The following ULK4 variants were observed in gnomAD, a reference collection of about 807,000 sequenced individuals.
The protein encoded by ULK4 is unc-51 like kinase 4, also known as inactive serine/threonine-protein kinase ULK4.
Under a neutral mutation model 160.6 loss-of-function variants are expected in ULK4, and 133 were observed. The observed-to-expected ratio is 0.83, with a 90% CI of 0.72 to 0.96. The LOEUF is 0.96. Among genes scored for constraint, ULK4 ranks in the 40% least tolerant of loss-of-function variants. The pLI is 0.00. For missense variants in ULK4, 1,580 were observed against 1,499.5 expected (o/e 1.05, Z -0.89); for synonymous variants, 534 against 539.8 (o/e 0.99, Z 0.15).
intron 31 of ULK4, among the ~76,000 whole-genome samples, chr3:41,583,683 T>C (rs539236603): frequency 4.1e-4 from 62 of 152,314 alleles, no homozygotes; most frequent in African/African-American, 1.5e-3. Flanking sequence ...GGCCTCCTCA[T>C]GCTCATCCTC....
intron 32 of ULK4, among the ~76,000 whole-genome samples, chr3:41,470,462 T>C (rs899411744): frequency 6.6e-6 from 1 of 152,158 alleles, no homozygotes; most frequent in African/African-American, 2.4e-5. Flanking sequence ...TTGCCTTACA[T>C]GATTGGCTAA....
chr3:41,728,046 T>C (rs371492774), intron 22 of ULK4, among the ~76,000 whole-genome samples: 2 of 152,138 alleles, frequency 1.3e-5, no homozygotes, highest in East Asian at 1.9e-4. Flanking sequence ...GAATAGCAAG[T>C]CTGGAGCAGA....
intron 7 of ULK4, among the ~76,000 whole-genome samples, chr3:41,916,291 T>C (rs944568869): frequency 6.6e-6 from 1 of 152,166 alleles, no homozygotes; most frequent in African/African-American, 2.4e-5. Flanking sequence ...AATGTAAATC[T>C]CAAAAACTAA....
chr3:41,935,983 A>G (rs778902308), intron 3 of ULK4, 43 bp from the exon 4 acceptor site: 1 of 1,525,094 alleles, frequency 6.6e-7, no homozygotes, highest in African/African-American at 1.6e-5. Flanking sequence ...ACCCCCTACC[A>G]TCACAGAGTG....
chr3:41,247,097 C>A, intron 36 of ULK4, 105 bp from the exon 37 acceptor site: 7 of 1,056,372 alleles, frequency 6.6e-6, no homozygotes, highest in Non-Finnish European at 9.9e-6. Context: ...ATCTGGTGGA[C>A]CAGCTGCAGC....
At chr3:41,757,337 T>C (rs1428331409) in intron 21 of ULK4, among the ~76,000 whole-genome samples, 2 of 152,108 alleles carry the variant, frequency 1.3e-5, no homozygotes, top group African/African-American at 4.8e-5. Flanking sequence ...TTTTGGCTGA[T>C]AAAAACTCTT....
At chr3:41,949,298 ACT>A (rs1307265872) in intron 2 of ULK4, among the ~76,000 whole-genome samples, 4 of 150,908 alleles carry the variant, frequency 2.7e-5, no homozygotes, top group African/African-American at 9.9e-5. Context: ...AGACTTTGAG[ACT>A]CTGTCACACA....
intron 32 of ULK4, among the ~76,000 whole-genome samples, chr3:41,485,410 C>T (rs531118236): frequency 6.6e-6 from 1 of 152,216 alleles, no homozygotes; most frequent in Non-Finnish European, 1.5e-5. Context: ...CCCCCAACTA[C>T]AGAAATATAG....
intron 33 of ULK4, among the ~76,000 whole-genome samples, chr3:41,455,910 A>T (rs2083539546): frequency 6.6e-6 from 1 of 152,016 alleles, no homozygotes; most frequent in South Asian, 2.1e-4. Flanking sequence ...GGAAGCGCTT[A>T]ATCTTTTTTT....
intron 34 of ULK4, among the ~76,000 whole-genome samples, chr3:41,434,578 T>C (rs1486232172): frequency 6.6e-6 from 1 of 152,152 alleles, no homozygotes; most frequent in Non-Finnish European, 1.5e-5. Flanking sequence ...ATTATTACTT[T>C]TAAAAGGACA....
intron 21 of ULK4, among the ~76,000 whole-genome samples, chr3:41,773,186 C>T (rs1341445410): frequency 6.6e-6 from 1 of 152,144 alleles, no homozygotes; most frequent in Non-Finnish European, 1.5e-5. Context: ...TCTCTCACCA[C>T]TCCTATTCAA....
chr3:41,360,525 T>C (rs2081120902), intron 35 of ULK4, among the ~76,000 whole-genome samples: 1 of 152,184 alleles, frequency 6.6e-6, no homozygotes, highest in South Asian at 2.1e-4. Context: ...AAATGGCCTA[T>C]CAATGATAGA....
At chr3:41,925,856 C>T (rs1363774721) in intron 5 of ULK4, among the ~76,000 whole-genome samples, 4 of 152,094 alleles carry the variant, frequency 2.6e-5, no homozygotes, top group Admixed American at 1.3e-4. Context: ...CAGTCAGGGG[C>T]TTATATATAA....
rs1439014755 is a variant in ULK4 at position 41,923,553 on chromosome 3, G to C, written c.542-3735C>G. 3.3e-5 allele frequency among the ~76,000 whole-genome samples: 5 copies of C among 152,260 alleles called. No individual in the cohort carries two copies. The East Asian group carries it at 9.6e-4, about 29-fold the overall frequency. Reference sequence around the variant, plus strand: ...TGTCAGCCACCAGAGTGTCTCCTAGGAACAGGCCTGCCTTAGCATCCCCTC... The same window carrying C: ...TGTCAGCCACCAGAGTGTCTCCTAGCAACAGGCCTGCCTTAGCATCCCCTC... On this transcript the variant is annotated intron_variant, in intron 5 of 36. Coordinates refer to ENST00000301831, the MANE Select transcript of ULK4 (RefSeq NM_017886.4).
At chr3:41,329,100 C>T (rs2080393124) in intron 35 of ULK4, among the ~76,000 whole-genome samples, 1 of 152,152 alleles carries the variant, frequency 6.6e-6, no homozygotes, top group Admixed American at 6.5e-5. Flanking sequence ...ATAGTTTTGT[C>T]ATGTTGAGAA....
intron 35 of ULK4, among the ~76,000 whole-genome samples, chr3:41,305,833 G>A (rs1174301194): frequency 6.7e-5 from 10 of 148,874 alleles, no homozygotes; most frequent in African/African-American, 2.3e-4. Flanking sequence ...CTGCCCGGCC[G>A]CCCATAGTCT....
At chr3:41,839,208 T>G (rs1412356562) in intron 17 of ULK4, among the ~76,000 whole-genome samples, 1 of 151,616 alleles carries the variant, frequency 6.6e-6, no homozygotes, top group East Asian at 1.9e-4. Context: ...GGCATGGTGG[T>G]GCATGCCTGT....
chr3:41,308,045 G>C (rs2079982429), intron 35 of ULK4, among the ~76,000 whole-genome samples: 1 of 152,126 alleles, frequency 6.6e-6, no homozygotes, highest in East Asian at 1.9e-4. Flanking sequence ...CTCAGGAACA[G>C]AGTAGAGATT....
At chr3:41,521,405 A>C (rs1191271774) in intron 32 of ULK4, among the ~76,000 whole-genome samples, 1 of 151,968 alleles carries the variant, frequency 6.6e-6, no homozygotes, top group African/African-American at 2.4e-5. Context: ...ACACAACATC[A>C]TCATTTTGTC....
Sources: gnomAD v4.1 joint callset for allele counts (sites outside exome capture counted in the v4.1 genomes callset) on GRCh38, gnomAD v4.1.1 for gene constraint, MANE v1.5 for transcripts, NCBI Gene and HGNC (gene_info 2026-07-23, HGNC 2026-07-21) for gene names.